Variants in PTPRG observed in about 807,000 individuals in gnomAD.
PTPRG encodes the protein receptor-type tyrosine-protein phosphatase gamma.
In PTPRG, 102 loss-of-function variants were observed where a neutral mutation model predicts 165.3. That is an observed-to-expected ratio of 0.62 (90% CI 0.53 to 0.73). The LOEUF (loss-of-function observed/expected upper bound fraction) is 0.73. PTPRG is among the 30% of genes least tolerant of loss of function. PTPRG has a pLI of 0.00. For synonymous variants in PTPRG, 675 were observed against 669.5 expected (o/e 1.01, Z -0.13); for missense variants, 1,866 against 1,861.4 (o/e 1.00, Z -0.05).
At chr3:62,277,129 G>A (rs1188255570) in intron 25 of PTPRG, 81 bp downstream of exon 25, 1 of 1,058,908 alleles carries the variant, frequency 9.4e-7, no homozygotes, top group Non-Finnish European at 1.4e-6. Context: ...TGTGACTGAT[G>A]TCATTTTTGA....
At chr3:61,828,460 A>G (rs1463901028) in intron 2 of PTPRG, among the ~76,000 whole-genome samples, 3 of 152,262 alleles carry the variant, frequency 2.0e-5, no homozygotes, top group Non-Finnish European at 2.9e-5. Context: ...CTTTTAGACT[A>G]GAACAAGGTA....
At chr3:61,794,435 T>C (rs907309722) in intron 2 of PTPRG, among the ~76,000 whole-genome samples, 1 of 152,248 alleles carries the variant, frequency 6.6e-6, no homozygotes, top group Non-Finnish European at 1.5e-5. Flanking sequence ...TTCAAAAATC[T>C]GGTCCCTATG....
At chr3:61,820,874 A>G (rs1423764061) in intron 2 of PTPRG, among the ~76,000 whole-genome samples, 9 of 151,890 alleles carry the variant, frequency 5.9e-5, no homozygotes, top group African/African-American at 2.2e-4. Context: ...GAGCTTGATT[A>G]CTTGTTACCT....
intron 8 of PTPRG, among the ~76,000 whole-genome samples, chr3:62,171,968 T>C (rs1371467374): frequency 1.3e-5 from 2 of 152,208 alleles, no homozygotes; most frequent in East Asian, 3.9e-4. Flanking sequence ...TTTGTCTCTA[T>C]GAATTTGTCT....
chr3:61,925,990 C>G, intron 2 of PTPRG: 1 of 460,922 alleles, frequency 2.2e-6, no homozygotes, highest in South Asian at 1.5e-5. Context: ...CGTCACCTGC[C>G]AGCTTGTTAG....
chr3:62,229,005 CT>C lies in PTPRG; in HGVS notation c.2289-2212del, dbSNP rs540977005. On this transcript the variant is annotated intron_variant, in intron 13 of 29. Transcript: ENST00000474889. This position sits in a 1 kb window ranked among gnomAD's most constrained non-coding sequence, Gnocchi z 4.6. Reference sequence around the variant, plus strand: ...CCATATCTGTGGCCATATTTCAAGACTTTTTTTTAATCATTAGGAATAATTT... The same window carrying C: ...CCATATCTGTGGCCATATTTCAAGACTTTTTTTAATCATTAGGAATAATTT... 0.01 allele frequency among the ~76,000 whole-genome samples: 1,526 copies of C among 152,022 alleles called. 8 individuals are homozygous for C. Among genetic ancestry groups the C allele is most frequent in the Middle Eastern group, 0.031 (9 of 294 alleles).
chr3:61,963,360 C>T (rs1240626623), intron 2 of PTPRG, among the ~76,000 whole-genome samples: 1 of 151,904 alleles, frequency 6.6e-6, no homozygotes, highest in Non-Finnish European at 1.5e-5. Flanking sequence ...GGATTTGTAA[C>T]AAACCATGAA....
At position 61,989,680 on chromosome 3, in the gene PTPRG, C is replaced by G. The variant is rs746695290; in HGVS notation, c.246C>G (p.His82Gln). The G allele has an allele frequency of 6.2e-7, 1 of 1,614,140 alleles. No individual in the cohort carries two copies. The highest frequency in any genetic ancestry group is 8.5e-7 in the Non-Finnish European group (1 of 1,180,006). ...VTSSVSCGGR[H>Q]QSPIDILDQY... Reference sequence around the variant, plus strand: ...CTAGTGTCAGCTGTGGGGGCCGTCACCAGTCTCCTATTGACATTTTAGACC... The same window carrying G: ...CTAGTGTCAGCTGTGGGGGCCGTCAGCAGTCTCCTATTGACATTTTAGACC... Residue 82 changes from histidine (H) to glutamine (Q), a missense_variant, in exon 3 of 30, where the codon CAC (histidine) becomes CAG (glutamine). Transcript: ENST00000474889.
chr3:61,995,922 A>G (rs1463933562), intron 3 of PTPRG, among the ~76,000 whole-genome samples: 1 of 151,736 alleles, frequency 6.6e-6, no homozygotes, highest in Non-Finnish European at 1.5e-5. Flanking sequence ...GAGCCTTTAC[A>G]TTTTTTGTTG....
In PTPRG at chr3:62,132,603, TCAG is replaced by T. The variant is rs1287882119; in HGVS notation, c.618_620del (p.Ser207del). 1 of 1,606,706 alleles carries T rather than the reference TCAG, an allele frequency of 6.2e-7. No individual in the cohort carries two copies. Among genetic ancestry groups the T allele is most frequent in the Non-Finnish European group, 8.5e-7 (1 of 1,173,280 alleles). On this transcript the variant is annotated inframe_deletion and splice_region_variant, in exon 6 of 30. Coordinates refer to ENST00000474889, the MANE Select transcript of PTPRG (RefSeq NM_002841.4). ...CAATCATGTTTCCTTTACATTTAGG[TCAG>T]TCCGAGGGACAATTCTGCACTGGAT...
intron 11 of PTPRG, 117 bp downstream of exon 11, chr3:62,201,671 A>C: frequency 2.5e-6 from 2 of 814,510 alleles, no homozygotes; most frequent in Non-Finnish European, 3.7e-6. Flanking sequence ...TAAAGCGGTT[A>C]TAGTAGAGAA....
chr3:62,136,677 GT>G (rs1703720553), intron 6 of PTPRG, among the ~76,000 whole-genome samples: 1 of 152,170 alleles, frequency 6.6e-6, no homozygotes, highest in African/African-American at 2.4e-5. Context: ...TGCTGTTCTT[GT>G]GATAGTGAAT....
intron 6 of PTPRG, among the ~76,000 whole-genome samples, chr3:62,150,469 A>T (rs1161962340): frequency 6.6e-6 from 1 of 152,226 alleles, no homozygotes; most frequent in African/African-American, 2.4e-5. Context: ...CAGAATCTGC[A>T]TTTTAACAAG....
chr3:61,717,631 C>T (rs1044994815), intron 1 of PTPRG, among the ~76,000 whole-genome samples: 2 of 151,330 alleles, frequency 1.3e-5, no homozygotes, highest in African/African-American at 4.9e-5. Context: ...ACTAAAAATA[C>T]AAAAAAAATT....
At chr3:61,728,972 G>T (rs528493064) in intron 1 of PTPRG, among the ~76,000 whole-genome samples, 16 of 152,162 alleles carry the variant, frequency 1.1e-4, no homozygotes, top group East Asian at 7.7e-4. Context: ...TGAGATGGGA[G>T]GATCGCTTGA....
At chr3:62,097,578 A>T (rs1702158914) in intron 5 of PTPRG, among the ~76,000 whole-genome samples, 1 of 152,220 alleles carries the variant, frequency 6.6e-6, no homozygotes, top group East Asian at 1.9e-4. Context: ...GCCATAGCAT[A>T]GTAGGAATGC....
intron 6 of PTPRG, among the ~76,000 whole-genome samples, chr3:62,149,875 C>A (rs1054180402): frequency 3.3e-5 from 5 of 152,204 alleles, no homozygotes; most frequent in African/African-American, 9.6e-5. Flanking sequence ...CCCCCTCAAT[C>A]CTGGGAAGTT....
intron 25 of PTPRG, 115 bp from the exon 26 acceptor site, chr3:62,277,436 A>C: frequency 8.3e-7 from 1 of 1,199,396 alleles, no homozygotes; most frequent in Non-Finnish European, 1.2e-6. Flanking sequence ...TGCCTTTCTC[A>C]ATTATTTTAG....
chr3:62,084,897 G>A (rs1048559516), intron 5 of PTPRG, among the ~76,000 whole-genome samples: 4 of 152,126 alleles, frequency 2.6e-5, no homozygotes, highest in Non-Finnish European at 5.9e-5. Flanking sequence ...CTAAAACTGT[G>A]GCTTGATTGT....
Sources: allele counts gnomAD v4.1 joint callset (sites outside exome capture counted in the v4.1 genomes callset), GRCh38; gene constraint gnomAD v4.1.1; non-coding constraint Gnocchi (gnomAD v3.1); transcripts MANE v1.5; gene names NCBI Gene and HGNC (gene_info 2026-07-23, HGNC 2026-07-21).